The following SULF1 variants were observed in gnomAD, a reference collection of about 807,000 sequenced individuals.
The protein encoded by SULF1 is extracellular sulfatase Sulf-1.
Under a neutral mutation model 110.5 loss-of-function variants are expected in SULF1, and 46 were observed. The observed-to-expected ratio is 0.42, with a 90% CI of 0.33 to 0.53. The LOEUF is 0.53. Among genes scored for constraint, SULF1 ranks in the 20% least tolerant of loss-of-function variants. The pLI is 0.12. For missense variants in SULF1, 941 were observed against 1,094.2 expected, an observed-to-expected ratio of 0.86 and a Z score of 1.98; for synonymous variants, 371 against 387.1, an observed-to-expected ratio of 0.96 and a Z score of 0.49.
intron 10 of SULF1, 87 bp from the exon 11 acceptor site, chr8:69,603,105 A>G: frequency 6.4e-7 from 1 of 1,571,830 alleles, no homozygotes; most frequent in South Asian, 1.2e-5. Flanking sequence ...GTTGAAGGCC[A>G]ATGAGTCACT....
chr8:69,534,882 A>G (rs978312498), intron 3 of SULF1, among the ~76,000 whole-genome samples: 3 of 151,466 alleles, frequency 2.0e-5, no homozygotes, highest in Admixed American at 6.6e-5. Context: ...AAAAAAAAAA[A>G]TTCAGCTAAG....
chr8:69,579,306 C>CA (rs1227978429), intron 6 of SULF1, among the ~76,000 whole-genome samples: 1 of 151,780 alleles, frequency 6.6e-6, no homozygotes, highest in Non-Finnish European at 1.5e-5. Context: ...GTAATCCCAG[C>CA]ACTTTGGGAG....
chr8:69,499,096 C>A (rs1968556), intron 2 of SULF1, among the ~76,000 whole-genome samples: 1 of 151,934 alleles, frequency 6.6e-6, no homozygotes, highest in East Asian at 1.9e-4. Context: ...TGACTTCAAG[C>A]AATCTGCCCG....
intron 13 of SULF1, among the ~76,000 whole-genome samples, chr8:69,605,444 C>A (rs755432930): frequency 2.0e-5 from 3 of 152,186 alleles, no homozygotes; most frequent in Non-Finnish European, 2.9e-5. Flanking sequence ...GTTCCTACTT[C>A]TGCTCACAAA....
chr8:69,541,631 T>G (rs985543080), intron 3 of SULF1, among the ~76,000 whole-genome samples: 1 of 152,196 alleles, frequency 6.6e-6, no homozygotes, highest in African/African-American at 2.4e-5. Flanking sequence ...AAAGTACAGA[T>G]TTCTTGTTCA....
intron 13 of SULF1, among the ~76,000 whole-genome samples, chr8:69,614,361 A>T (rs1435451101): frequency 6.6e-6 from 1 of 152,252 alleles, no homozygotes; most frequent in Non-Finnish European, 1.5e-5. Context: ...ATTCACTACT[A>T]CGAAATCCTA....
chr8:69,522,252 T>C (rs1445517609), intron 3 of SULF1, among the ~76,000 whole-genome samples: 2 of 152,088 alleles, frequency 1.3e-5, no homozygotes, highest in African/African-American at 4.8e-5. Flanking sequence ...GGTTTCACCA[T>C]GTTGACCAGG....
intron 22 of SULF1, among the ~76,000 whole-genome samples, chr8:69,645,517 G>A (rs1811830009): frequency 6.6e-6 from 1 of 152,224 alleles, no homozygotes; most frequent in Admixed American, 6.5e-5. Context: ...GTGCAGTCTG[G>A]TGTTAGAATG....
At chr8:69,511,150 T>G (rs1484359957) in intron 3 of SULF1, among the ~76,000 whole-genome samples, 1 of 152,232 alleles carries the variant, frequency 6.6e-6, no homozygotes, top group Non-Finnish European at 1.5e-5. Context: ...TTTGCACACT[T>G]GTGACACTTA....
intron 1 of SULF1, among the ~76,000 whole-genome samples, chr8:69,471,925 T>C (rs1809102346): frequency 6.6e-6 from 1 of 152,140 alleles, no homozygotes; most frequent in African/African-American, 2.4e-5. Context: ...ATGATGTGCC[T>C]TCCTTTAGCA....
At position 69,658,971 on chromosome 8, in the gene SULF1, C is replaced by A; in HGVS notation, c.*436C>A. On this transcript the variant is annotated 3_prime_UTR_variant, in exon 23 of 23. Coordinates refer to ENST00000402687, the MANE Select transcript of SULF1 (RefSeq NM_001128205.2). ...TGAATTCTGAACACTGGAGAAAAAC[C>A]GAAAAATGGACGGGGCATGAAGAGA... is the stretch of plus-strand genomic sequence containing the variant. 2.2e-6 allele frequency: 1 copy of A among 458,164 alleles called. No homozygotes were observed. Among genetic ancestry groups the A allele is most frequent in the Non-Finnish European group, 4.4e-6 (1 of 227,868 alleles). 28.4% of individuals were successfully genotyped at this position (458,164 alleles called of 1,614,324 possible).
At position 69,659,491 on chromosome 8, in the gene SULF1, A is replaced by C; in HGVS notation, c.*956A>C. 3.7e-6 allele frequency: 1 copy of C among 266,768 alleles called. No homozygotes were observed. Among genetic ancestry groups the C allele is most frequent in the South Asian group, 4.2e-5 (1 of 23,706 alleles). The allele number at this position is 266,768 out of a possible 1,614,324, so 16.5% of individuals were successfully genotyped here. A position where few individuals can be genotyped will look rare whatever the true frequency, so the allele number is the denominator to read the frequency against. ...GGTGTGCACACGGAGACTCATCGTTATAATTTACTATCTGCCAAGAGTAGA... is the reference window on the plus strand; with the variant it reads ...GGTGTGCACACGGAGACTCATCGTTCTAATTTACTATCTGCCAAGAGTAGA... On this transcript the variant is annotated 3_prime_UTR_variant, in exon 23 of 23. Transcript: ENST00000402687.
intron 8 of SULF1, among the ~76,000 whole-genome samples, chr8:69,597,835 T>C (rs1365915328): frequency 6.6e-6 from 1 of 152,192 alleles, no homozygotes; most frequent in African/African-American, 2.4e-5. Context: ...TGTAATCTGT[T>C]ATAGCTGTAT....
exon 1 of SULF1, chr8:69,466,941 T>G (rs1361455194): frequency 6.6e-6 from 1 of 152,222 alleles, no homozygotes; most frequent in African/African-American, 2.4e-5. Context: ...AAAAGCAGTT[T>G]TTTTTTCAGG....
intron 3 of SULF1, among the ~76,000 whole-genome samples, chr8:69,534,613 A>G (rs984782271): frequency 6.6e-5 from 10 of 152,152 alleles, no homozygotes; most frequent in African/African-American, 2.4e-4. Flanking sequence ...AACATTGGTG[A>G]AGTAAGCATG....
chr8:69,553,037 G>A (rs186012962), intron 3 of SULF1, among the ~76,000 whole-genome samples: 2 of 152,282 alleles, frequency 1.3e-5, no homozygotes, highest in East Asian at 1.9e-4. Flanking sequence ...TGATGGAGGT[G>A]AACTTTTAAG....
intron 3 of SULF1, among the ~76,000 whole-genome samples, chr8:69,513,010 C>G (rs1212709098): frequency 6.6e-6 from 1 of 152,170 alleles, no homozygotes; most frequent in Non-Finnish European, 1.5e-5. Context: ...ATTTGGTACC[C>G]TACTGTCATT....
chr8:69,467,778 G>C (rs892504892), intron 1 of SULF1, among the ~76,000 whole-genome samples: 3 of 152,102 alleles, frequency 2.0e-5, no homozygotes, highest in Non-Finnish European at 4.4e-5. Context: ...TAGATTTTCA[G>C]GTTTGGTTAT....
chr8:69,605,326 G>A (rs1434914272), intron 13 of SULF1, among the ~76,000 whole-genome samples: 3 of 152,146 alleles, frequency 2.0e-5, no homozygotes, highest in Non-Finnish European at 4.4e-5. Context: ...ACATGATAGG[G>A]CCTTCACCCT....
Sources: gnomAD v4.1 joint callset for allele counts (sites outside exome capture counted in the v4.1 genomes callset) on GRCh38, gnomAD v4.1.1 for gene constraint, MANE v1.5 for transcripts, NCBI Gene and HGNC (gene_info 2026-07-23, HGNC 2026-07-21) for gene names.